The following SLC38A9 variants were observed in gnomAD, a reference collection of about 807,000 sequenced individuals.
SLC38A9 encodes the protein solute carrier family 38 member 9.
SLC38A9 carries 48 observed loss-of-function variants against 62.3 expected under a neutral mutation model. That is an observed-to-expected ratio of 0.77 (90% CI 0.61 to 0.98). The LOEUF (loss-of-function observed/expected upper bound fraction) is 0.98. Ranked by LOEUF, SLC38A9 falls within the 50% of genes least tolerant of loss-of-function variation. The probability of loss-of-function intolerance (pLI) is 0.00; values close to 1 mark genes in which losing one functional copy is unlikely to be tolerated. For missense variants in SLC38A9, 541 were observed against 679.8 expected (o/e 0.80, Z 2.27); for synonymous variants, 204 against 227.7 (o/e 0.90, Z 0.94).
In SLC38A9 at chr5:55,626,348, A is replaced by C. The variant is rs895056446; in HGVS notation, c.*146T>G. 3 of 708,154 alleles carry C rather than the reference A, an allele frequency of 4.2e-6. No homozygotes were observed. Among genetic ancestry groups the C allele is most frequent in the Non-Finnish European group, 6.8e-6 (3 of 440,568 alleles). The allele number at this position is 708,154 out of a possible 1,614,324, so 43.9% of individuals were successfully genotyped here. A position where few individuals can be genotyped will look rare whatever the true frequency, so the allele number is the denominator to read the frequency against. On this transcript the variant is annotated 3_prime_UTR_variant, in exon 16 of 16. Transcript: ENST00000396865. ...CCACCCCAATAAAAAAATACTCATT[A>C]AGGGGCCACTATTTCCCTTGCTTTC...
chr5:55,679,988 T>C (rs1752757311), intron 3 of SLC38A9, among the ~76,000 whole-genome samples: 1 of 152,204 alleles, frequency 6.6e-6, no homozygotes, highest in Non-Finnish European at 1.5e-5. Context: ...TAATTATAAA[T>C]AAAGAGTAAC....
chr5:55,648,306 C>A (rs1383849410), intron 11 of SLC38A9, among the ~76,000 whole-genome samples: 1 of 152,120 alleles, frequency 6.6e-6, no homozygotes, highest in Non-Finnish European at 1.5e-5. Context: ...TGGGCTGTTT[C>A]TATTTTTGGC....
intron 3 of SLC38A9, among the ~76,000 whole-genome samples, chr5:55,673,672 A>G (rs1416211480): frequency 6.6e-6 from 1 of 151,810 alleles, no homozygotes; most frequent in Non-Finnish European, 1.5e-5. Context: ...ATGTAGTAAC[A>G]TATGGTAACC....
At chr5:55,642,067 C>T (rs111351524) in intron 12 of SLC38A9, among the ~76,000 whole-genome samples, 7,418 of 152,186 alleles carry the variant, frequency 0.049, 314 homozygotes, top group African/African-American at 0.11. Context: ...TTTTTTGAGA[C>T]GGAGTCTCAC....
chr5:55,672,951 G>A, intron 3 of SLC38A9: 1 of 352,660 alleles, frequency 2.8e-6, no homozygotes, highest in Non-Finnish European at 5.1e-6. Flanking sequence ...CAACCGAGAA[G>A]ACAAAACAGA....
intron 12 of SLC38A9, 119 bp downstream of exon 12, chr5:55,645,670 A>T (rs1291243675): frequency 2.7e-6 from 2 of 732,480 alleles, no homozygotes; most frequent in African/African-American, 3.6e-5. Context: ...TAAGTTTAAA[A>T]ATTAAGATCT....
chr5:55,703,026 AGT>A (rs1756859561), intron 2 of SLC38A9: 1 of 152,148 alleles, frequency 6.6e-6, no homozygotes, highest in African/African-American at 2.4e-5. Context: ...TTATGAAGGG[AGT>A]GTGATGGTAA....
chr5:55,653,355 G>A (rs1231834597), intron 9 of SLC38A9, among the ~76,000 whole-genome samples: 1 of 152,114 alleles, frequency 6.6e-6, no homozygotes, highest in Non-Finnish European at 1.5e-5. Context: ...AAAATACTGG[G>A]CTGGATGGTA....
chr5:55,677,351 T>C (rs1752245883), intron 3 of SLC38A9, among the ~76,000 whole-genome samples: 1 of 152,244 alleles, frequency 6.6e-6, no homozygotes, highest in Admixed American at 6.5e-5. Context: ...AATATGACTG[T>C]ATGCAATGCT....
chr5:55,654,125 C>T (rs1389356317), intron 9 of SLC38A9, among the ~76,000 whole-genome samples: 1 of 152,160 alleles, frequency 6.6e-6, no homozygotes, highest in Non-Finnish European at 1.5e-5. Flanking sequence ...TTAAGTAACC[C>T]TTATGCTCAT....
chr5:55,654,063 TA>T (rs1242772224), intron 9 of SLC38A9, among the ~76,000 whole-genome samples: 1 of 151,834 alleles, frequency 6.6e-6, no homozygotes, highest in Non-Finnish European at 1.5e-5. Flanking sequence ...GAGCTTTTGC[TA>T]ATAATCAGCT....
intron 2 of SLC38A9, among the ~76,000 whole-genome samples, chr5:55,699,317 T>C (rs146406661): frequency 0.022 from 3,356 of 152,348 alleles, 43 homozygotes; most frequent in Non-Finnish European, 0.031. Context: ...TGAGCTTTTT[T>C]GTTACCATAA....
intron 2 of SLC38A9, among the ~76,000 whole-genome samples, chr5:55,699,446 G>A (rs1756360418): frequency 6.6e-6 from 1 of 152,086 alleles, no homozygotes; most frequent in Non-Finnish European, 1.5e-5. Context: ...TTCCTGTAAA[G>A]ATACACCTTC....
At chr5:55,683,311 C>T (rs981413549) in intron 3 of SLC38A9, among the ~76,000 whole-genome samples, 4 of 152,184 alleles carry the variant, frequency 2.6e-5, no homozygotes, top group Admixed American at 1.3e-4. Flanking sequence ...TGGACTCAAA[C>T]TCCTCGGCTC....
At chr5:55,710,434 C>G (rs1256546038) in intron 2 of SLC38A9, among the ~76,000 whole-genome samples, 1 of 151,668 alleles carries the variant, frequency 6.6e-6, no homozygotes, top group East Asian at 2.0e-4. Context: ...TCTTGAACTC[C>G]TAACCTCAAA....
intron 6 of SLC38A9, 94 bp from the exon 7 acceptor site, chr5:55,669,415 T>C (rs1750938735): frequency 4.5e-6 from 6 of 1,340,622 alleles, no homozygotes; most frequent in Non-Finnish European, 6.2e-6. Context: ...TGATAAAAAC[T>C]TGACAACTCA....
intron 8 of SLC38A9, among the ~76,000 whole-genome samples, chr5:55,662,746 T>A (rs1352166030): frequency 6.7e-6 from 1 of 149,068 alleles, no homozygotes; most frequent in Non-Finnish European, 1.5e-5. Flanking sequence ...GTAGTAAAAG[T>A]CCAAAAAGTG....
chr5:55,668,075 G>A (rs919403363), intron 7 of SLC38A9, among the ~76,000 whole-genome samples: 4 of 152,186 alleles, frequency 2.6e-5, no homozygotes. Context: ...GGGAGGCTGA[G>A]GTGGGAGAAT....
chr5:55,667,331 T>C (rs994226102), intron 7 of SLC38A9, among the ~76,000 whole-genome samples: 2 of 152,204 alleles, frequency 1.3e-5, no homozygotes, highest in Non-Finnish European at 1.5e-5. Flanking sequence ...CATTTCATAA[T>C]TTTAGAATGG....
Sources: allele counts gnomAD v4.1 joint callset (sites outside exome capture counted in the v4.1 genomes callset), GRCh38; gene constraint gnomAD v4.1.1; transcripts MANE v1.5; gene names NCBI Gene and HGNC (gene_info 2026-07-23, HGNC 2026-07-21).